WDR70: variants seen among roughly 807,000 people sequenced by gnomAD.
WDR70 encodes the protein WD repeat-containing protein 70.
In WDR70, 53 loss-of-function variants were observed where a neutral mutation model predicts 88.6. The observed-to-expected ratio is 0.60, with a 90% confidence interval of 0.48 to 0.75. WDR70 has a LOEUF of 0.75. WDR70 is among the 30% of genes least tolerant of loss of function. WDR70 has a pLI of 0.00. For missense variants in WDR70, 610 were observed against 823.2 expected, an observed-to-expected ratio of 0.74 and a Z score of 3.17; for synonymous variants, 280 against 270.0, an observed-to-expected ratio of 1.04 and a Z score of -0.36.
intron 9 of WDR70, among the ~76,000 whole-genome samples, chr5:37,594,126 T>C (rs1238869088): frequency 6.6e-6 from 1 of 152,230 alleles, no homozygotes; most frequent in Non-Finnish European, 1.5e-5. Context: ...GTAGTTTCTT[T>C]TGCCGTATGG....
At chr5:37,589,965 A>G (rs1335881000) in intron 9 of WDR70, among the ~76,000 whole-genome samples, 2 of 152,158 alleles carry the variant, frequency 1.3e-5, no homozygotes, top group Non-Finnish European at 2.9e-5. Flanking sequence ...CTTTAGAGGT[A>G]TTTGGTTTAT....
At chr5:37,545,373 C>G (rs1581382440) in intron 9 of WDR70, among the ~76,000 whole-genome samples, 1 of 152,092 alleles carries the variant, frequency 6.6e-6, no homozygotes, top group Admixed American at 6.6e-5. Flanking sequence ...GGAAAATATA[C>G]TGTTTACATT....
intron 10 of WDR70, among the ~76,000 whole-genome samples, chr5:37,607,031 C>T (rs1014097591): frequency 8.0e-5 from 12 of 150,448 alleles, no homozygotes; most frequent in East Asian, 2.0e-4. Flanking sequence ...CTCTGCCTCT[C>T]GGGTTCAGGC....
At chr5:37,459,381 G>C (rs1479500163) in intron 7 of WDR70, among the ~76,000 whole-genome samples, 3 of 151,406 alleles carry the variant, frequency 2.0e-5, no homozygotes, top group Non-Finnish European at 1.5e-5. Flanking sequence ...CTGAAATAAT[G>C]CCGCATATCT....
intron 10 of WDR70, among the ~76,000 whole-genome samples, chr5:37,692,861 G>A (rs551706224): frequency 1.3e-5 from 2 of 150,732 alleles, no homozygotes; most frequent in African/African-American, 4.8e-5. Flanking sequence ...GGAAGTTCTG[G>A]GCCAGGGCAA....
At chr5:37,627,105 T>C (rs941926060) in intron 10 of WDR70, among the ~76,000 whole-genome samples, 2 of 152,166 alleles carry the variant, frequency 1.3e-5, no homozygotes, top group Admixed American at 1.3e-4. Flanking sequence ...TTTTAGTCTT[T>C]TTCTTTAGGG....
chr5:37,463,441 A>G (rs1739071039), intron 7 of WDR70, among the ~76,000 whole-genome samples: 1 of 152,176 alleles, frequency 6.6e-6, no homozygotes. Flanking sequence ...GACAGCCCCA[A>G]ACAGCTGTGT....
chr5:37,692,550 G>A (rs1370200998), intron 10 of WDR70, among the ~76,000 whole-genome samples: 1 of 152,260 alleles, frequency 6.6e-6, no homozygotes, highest in Admixed American at 6.5e-5. Flanking sequence ...GGGATGCAAG[G>A]ATAGTTTAAC....
chr5:37,686,951 A>AAATAATAATAATAAT lies in WDR70; in HGVS notation c.1093-10683_1093-10669dup, dbSNP rs70978838. Among the ~76,000 whole-genome samples the AAATAATAATAATAAT allele has an allele frequency of 2.3e-3, 334 of 143,094 alleles. 3 individuals are homozygous for AAATAATAATAATAAT. Among genetic ancestry groups the AAATAATAATAATAAT allele is most frequent in the African/African-American group, 7.7e-3 (293 of 38,238 alleles). 93.9% of individuals were successfully genotyped at this position (143,094 alleles called of 152,430 possible). A position where few individuals can be genotyped will look rare whatever the true frequency, so the allele number is the denominator to read the frequency against. On this transcript the variant is annotated intron_variant, in intron 10 of 17. Transcript: ENST00000265107. ...GCAACAAGAGCAAAACTCTGTCTCA[A>AAATAATAATAATAAT]AATAATAATAATAATAATAATAATA...
intron 7 of WDR70, among the ~76,000 whole-genome samples, chr5:37,454,890 A>G (rs535647886): frequency 6.8e-4 from 103 of 152,334 alleles, no homozygotes; most frequent in Non-Finnish European, 1.1e-3. Context: ...CATTTGCTAT[A>G]TGACTTTAGG....
chr5:37,698,198 A>AT (rs1447681249), intron 11 of WDR70, among the ~76,000 whole-genome samples: 3 of 152,220 alleles, frequency 2.0e-5, no homozygotes, highest in African/African-American at 7.2e-5. Flanking sequence ...AAAAAAGTCT[A>AT]TATCTAGATG....
At chr5:37,500,814 C>G (rs1460323311) in intron 8 of WDR70, among the ~76,000 whole-genome samples, 1 of 149,024 alleles carries the variant, frequency 6.7e-6, no homozygotes, top group East Asian at 2.0e-4. Flanking sequence ...CAGCCTCTGC[C>G]TCCCGGGTTC....
intron 10 of WDR70, chr5:37,687,784 A>G (rs553880272): frequency 1.4e-4 from 57 of 420,652 alleles, no homozygotes; most frequent in African/African-American, 1.1e-3. Flanking sequence ...CTTTTTCTTT[A>G]CTTGAGCACT....
At chr5:37,675,980 T>A (rs373601386) in intron 10 of WDR70, among the ~76,000 whole-genome samples, 4,795 of 151,666 alleles carry the variant, frequency 0.032, 103 homozygotes, top group Middle Eastern at 0.1. Flanking sequence ...CTAGGTATTT[T>A]ATTCTCTTTG....
At chr5:37,670,047 C>T (rs938591610) in intron 10 of WDR70, among the ~76,000 whole-genome samples, 4 of 152,092 alleles carry the variant, frequency 2.6e-5, no homozygotes, top group Non-Finnish European at 5.9e-5. Context: ...TGTGATTGCT[C>T]ATGTGTATGG....
chr5:37,734,031 T>G (rs1385912496), intron 17 of WDR70, among the ~76,000 whole-genome samples: 1 of 152,030 alleles, frequency 6.6e-6, no homozygotes, highest in Non-Finnish European at 1.5e-5. Flanking sequence ...TCCAGCTGTT[T>G]ATTGTGTTTT....
rs60505985 is a variant in WDR70, at chr5:37,474,058, T to G, written c.687-5776T>G. On this transcript the variant is annotated intron_variant, in intron 7 of 17. Transcript: ENST00000265107. The stretch of plus-strand genomic sequence containing the variant: ...TCATTATCATTCAGTTAACATTTTC[T>G]AATTTGTATTGTGTTTTTTTCTTTG... Among the ~76,000 whole-genome samples, 1,340 of 152,368 alleles carry G rather than the reference T, an allele frequency of 8.8e-3. 24 individuals carry two copies. The highest frequency in any genetic ancestry group is 0.031 in the African/African-American group (1,269 of 41,596).
At chr5:37,678,896 C>T (rs1236086106) in intron 10 of WDR70, among the ~76,000 whole-genome samples, 2 of 152,212 alleles carry the variant, frequency 1.3e-5, no homozygotes, top group African/African-American at 2.4e-5. Flanking sequence ...GGTCTTTTCA[C>T]ATAGTCCCAT....
intron 8 of WDR70, among the ~76,000 whole-genome samples, chr5:37,511,363 C>T (rs1442698969): frequency 6.6e-6 from 1 of 151,800 alleles, no homozygotes; most frequent in Non-Finnish European, 1.5e-5. Flanking sequence ...CCTAACTATT[C>T]CAGATTTAGC....
Sources: allele counts gnomAD v4.1 joint callset (sites outside exome capture counted in the v4.1 genomes callset), GRCh38; gene constraint gnomAD v4.1.1; transcripts MANE v1.5; gene names NCBI Gene and HGNC (gene_info 2026-07-23, HGNC 2026-07-21).